MYO1E: variants seen among roughly 807,000 people sequenced by gnomAD.
MYO1E encodes the protein unconventional myosin-Ie.
Under a neutral mutation model 151.1 loss-of-function variants are expected in MYO1E, and 68 were observed. The ratio of observed to expected loss-of-function variants is 0.45; its 90% CI spans 0.37 to 0.55. The LOEUF (loss-of-function observed/expected upper bound fraction) is 0.55, where lower values mean the gene tolerates loss of function less well. MYO1E is among the 20% of genes least tolerant of loss of function. MYO1E has a pLI of 0.00. For synonymous variants in MYO1E, 601 were observed against 501.7 expected (o/e 1.20, Z -2.64); for missense variants, 1,363 against 1,389.3 (o/e 0.98, Z 0.30).
At position 59,205,509 on chromosome 15, in the gene MYO1E, G is replaced by GAATTTCATTGAACAAAATGT. The variant is rs6145582; in HGVS notation, c.1531-44_1531-25dup. ...ACCTGGCCAAGAATGGAAAGAAATC[G>GAATTTCATTGAACAAAATGT]AATTTCATTGAACAAAATGTAATTA... is the stretch of plus-strand genomic sequence containing the variant. On this transcript the variant is annotated intron_variant, in intron 14 of 27. Coordinates refer to ENST00000288235, the MANE Select transcript of MYO1E (RefSeq NM_004998.4). 0.053 allele frequency: 80,600 copies of GAATTTCATTGAACAAAATGT among 1,530,906 alleles called. 3,416 individuals carry two copies. The highest frequency in any genetic ancestry group is 0.15 in the African/African-American group (10,680 of 72,252). 94.8% of individuals were successfully genotyped at this position (1,530,906 alleles called of 1,614,324 possible). A position where few individuals can be genotyped will look rare whatever the true frequency, so the allele number is the denominator to read the frequency against.
chr15:59,139,411 T>C (rs561395627), intron 26 of MYO1E, among the ~76,000 whole-genome samples: 4 of 150,390 alleles, frequency 2.7e-5, no homozygotes, highest in Non-Finnish European at 5.9e-5. Flanking sequence ...CCCTCATTAT[T>C]ACTCCTCACA....
At chr15:59,151,145 A>T (rs1485972532) in intron 26 of MYO1E, among the ~76,000 whole-genome samples, 1 of 151,886 alleles carries the variant, frequency 6.6e-6, no homozygotes, top group East Asian at 1.9e-4. Flanking sequence ...AGGTGCTTTC[A>T]GCTGGGCGCG....
chr15:59,215,207 A>T (rs192697188), intron 10 of MYO1E, among the ~76,000 whole-genome samples: 1,716 of 152,286 alleles, frequency 0.011, 23 homozygotes, highest in East Asian at 0.062. Flanking sequence ...AGGGTGAGCT[A>T]TCTGCAGATA....
chr15:59,214,523 T>G, intron 11 of MYO1E, 117 bp downstream of exon 11: 1 of 1,113,696 alleles, frequency 9.0e-7, no homozygotes, highest in Non-Finnish European at 1.4e-6. Flanking sequence ...AGTTGTTTTT[T>G]TTGTTGTTGT....
chr15:59,142,586 C>A (rs1182763891), intron 26 of MYO1E, among the ~76,000 whole-genome samples: 1 of 152,142 alleles, frequency 6.6e-6, no homozygotes, highest in Non-Finnish European at 1.5e-5. Context: ...TATTAGTTCG[C>A]CCCATCCTCA....
At chr15:59,213,546 C>T (rs1426008518) in intron 12 of MYO1E, among the ~76,000 whole-genome samples, 1 of 151,932 alleles carries the variant, frequency 6.6e-6, no homozygotes, top group East Asian at 1.9e-4. Context: ...TAAGCCTCGA[C>T]CTCCTGGGCT....
At chr15:59,345,615 A>C (rs774277426) in intron 1 of MYO1E, among the ~76,000 whole-genome samples, 8 of 152,256 alleles carry the variant, frequency 5.3e-5, no homozygotes, top group Admixed American at 1.3e-4. Flanking sequence ...AACTACTTTT[A>C]TACTTCCTGT....
chr15:59,150,598 G>A (rs2079469739), intron 26 of MYO1E, among the ~76,000 whole-genome samples: 1 of 152,182 alleles, frequency 6.6e-6, no homozygotes, highest in African/African-American at 2.4e-5. Flanking sequence ...GGCCTAGGTG[G>A]GATTGTGACT....
intron 1 of MYO1E, among the ~76,000 whole-genome samples, chr15:59,364,104 C>T (rs2080900141): frequency 6.6e-6 from 1 of 152,186 alleles, no homozygotes; most frequent in African/African-American, 2.4e-5. Context: ...GTATGCTAAC[C>T]TCCTTTGCCA....
In MYO1E at chr15:59,195,560, G is replaced by C; in HGVS notation, c.1706C>G (p.Ala569Gly). ...CATCAGGGTGCTCACAAGGTCATTGGCTTGTTTCTAGAAAGGAAGAACAGT... is the reference window on the plus strand; with the variant it reads ...CATCAGGGTGCTCACAAGGTCATTGCCTTGTTTCTAGAAAGGAAGAACAGT... ...TTAGSKIKKQANDLVSTLMKC... is the reference protein window; with the variant it reads ...TTAGSKIKKQGNDLVSTLMKC... The change falls in exon 17 of 28, where the codon GCC becomes GGC. Residue 569 changes from alanine (A) to glycine (G), a missense_variant. Coordinates refer to ENST00000288235, the MANE Select transcript of MYO1E (RefSeq NM_004998.4). The C allele has an allele frequency of 6.2e-7, 1 of 1,613,270 alleles. No homozygotes were observed. Among genetic ancestry groups the C allele is most frequent in the Non-Finnish European group, 8.5e-7 (1 of 1,179,196 alleles).
intron 1 of MYO1E, among the ~76,000 whole-genome samples, chr15:59,298,876 T>C (rs1172821899): frequency 6.6e-6 from 1 of 152,246 alleles, no homozygotes; most frequent in Non-Finnish European, 1.5e-5. Context: ...CAAGGGAATC[T>C]GCTGCCACCT....
At chr15:59,361,763 C>T (rs184044449) in intron 1 of MYO1E, among the ~76,000 whole-genome samples, 2 of 152,190 alleles carry the variant, frequency 1.3e-5, no homozygotes. Flanking sequence ...TCTCCCTTTC[C>T]TCTTTCCCCC....
At chr15:59,309,840 G>C (rs191385248) in intron 1 of MYO1E, among the ~76,000 whole-genome samples, 2 of 152,162 alleles carry the variant, frequency 1.3e-5, no homozygotes, top group South Asian at 4.1e-4. Flanking sequence ...AAGCTTGTCT[G>C]GATAGGCCTT....
intron 9 of MYO1E, among the ~76,000 whole-genome samples, chr15:59,220,464 A>C (rs1227610525): frequency 6.6e-6 from 1 of 152,200 alleles, no homozygotes; most frequent in African/African-American, 2.4e-5. Context: ...AAAAACAAAA[A>C]ACAAAATAAA....
At chr15:59,195,396 G>A (rs2140330103) in intron 17 of MYO1E, 65 bp downstream of exon 17, 3 of 1,375,140 alleles carry the variant, frequency 2.2e-6, no homozygotes, top group South Asian at 2.3e-5. Context: ...CTGTGATGGA[G>A]GACGGCTCAT....
chr15:59,272,178 C>T, intron 2 of MYO1E, 128 bp downstream of exon 2: 2 of 1,055,950 alleles, frequency 1.9e-6, no homozygotes, highest in Non-Finnish European at 2.9e-6. Context: ...TGGTCTGGAA[C>T]TCCTGCCTTA....
At chr15:59,278,157 G>C (rs866157753) in intron 1 of MYO1E, among the ~76,000 whole-genome samples, 16 of 152,332 alleles carry the variant, frequency 1.1e-4, no homozygotes, top group Non-Finnish European at 2.1e-4. Context: ...ATTGGAAGAC[G>C]CTGTGTGGAC....
chr15:59,228,208 C>T lies in MYO1E; in HGVS notation c.511-618G>A, dbSNP rs777369166. 2.0e-5 allele frequency among the ~76,000 whole-genome samples: 3 copies of T among 152,034 alleles called. No individual in the cohort carries two copies. The South Asian group carries it at 6.2e-4, about 32-fold the overall frequency. Reference sequence around the variant, plus strand: ...GTTATATTAATTATATATAGCCAGGCGCGGTGGCTCACGCCTGTAATCCCA... The same window carrying T: ...GTTATATTAATTATATATAGCCAGGTGCGGTGGCTCACGCCTGTAATCCCA... On this transcript the variant is annotated intron_variant, in intron 6 of 27. Coordinates refer to ENST00000288235, the MANE Select transcript of MYO1E (RefSeq NM_004998.4).
At chr15:59,175,479 C>A (rs1328572466) in intron 19 of MYO1E, among the ~76,000 whole-genome samples, 3 of 152,148 alleles carry the variant, frequency 2.0e-5, no homozygotes, top group African/African-American at 7.2e-5. Flanking sequence ...CTTCTCTCCT[C>A]ACAGATCCAT....
Sources: gnomAD v4.1 joint callset for allele counts (sites outside exome capture counted in the v4.1 genomes callset) on GRCh38, gnomAD v4.1.1 for gene constraint, MANE v1.5 for transcripts, NCBI Gene and HGNC (gene_info 2026-07-23, HGNC 2026-07-21) for gene names.